Variants in RAPGEF3 observed in about 807,000 individuals in gnomAD.
RAPGEF3 encodes Rap guanine nucleotide exchange factor 3.
Under a neutral mutation model 129.8 loss-of-function variants are expected in RAPGEF3, and 103 were observed. The ratio of observed to expected loss-of-function variants is 0.79; its 90% confidence interval spans 0.68 to 0.93. The LOEUF (loss-of-function observed/expected upper bound fraction) is 0.93, where lower values mean the gene tolerates loss of function less well. Ranked by LOEUF, RAPGEF3 falls within the 40% of genes least tolerant of loss-of-function variation. The pLI, the probability that RAPGEF3 is intolerant of heterozygous loss-of-function variation, is 0.00. For missense variants in RAPGEF3, 1,117 were observed against 1,207.4 expected (o/e 0.93, Z 1.11); for synonymous variants, 436 against 482.6 (o/e 0.90, Z 1.26).
chr12:47,757,936 C>T lies in RAPGEF3; in HGVS notation c.149G>A (p.Arg50Gln), dbSNP rs555142030. Residue 50 changes from arginine to glutamine, a missense_variant, in exon 2 of 28, where the codon CGG (arginine) becomes CAG (glutamine). By Grantham distance (43) the Arg-to-Gln change is conservative. Around this residue, in one of 3 missense-constraint regions of RAPGEF3, gnomAD observed 367 missense variants for 373.4 expected, o/e 0.98. Coordinates refer to ENST00000449771, the MANE Select transcript of RAPGEF3 (RefSeq NM_001098531.4). ...LLNMVLRRMH[R>Q]PRSCSYQLLL... Reference sequence around the variant, plus strand: ...CAGCTGGTAGGAGCAGCTTCGGGGCCGGTGCATCCTTCTCAACACCATGTT... The same window carrying T: ...CAGCTGGTAGGAGCAGCTTCGGGGCTGGTGCATCCTTCTCAACACCATGTT... 6.4e-6 allele frequency: 10 copies of T among 1,557,494 alleles called. No homozygotes were observed. The highest frequency in any genetic ancestry group is 3.9e-5 in the Admixed American group (2 of 51,746).
In RAPGEF3 at chr12:47,736,375, C is replaced by T. The variant is rs1275205357; in HGVS notation, c.*1192G>A. On this transcript the variant is annotated 3_prime_UTR_variant, in exon 28 of 28. Coordinates refer to ENST00000449771, the MANE Select transcript of RAPGEF3 (RefSeq NM_001098531.4). The stretch of plus-strand genomic sequence containing the variant: ...GGAGTCATGCCAGGGGCCATGAGTT[C>T]TCTCTCTGGCCAGACAAGTGCCTCC... 3 of 152,304 alleles carry T rather than the reference C, an allele frequency of 2.0e-5. No individual in the cohort carries two copies. The highest frequency in any genetic ancestry group is 4.8e-5 in the African/African-American group (2 of 41,460). The allele number at this position is 152,304 out of a possible 1,614,324, so 9.4% of individuals were successfully genotyped here.
chr12:47,749,265 G>T lies in RAPGEF3; in HGVS notation c.1041+125C>A. 8.1e-7 allele frequency: 1 copy of T among 1,227,832 alleles called. No individual in the cohort carries two copies. The highest frequency in any genetic ancestry group is 1.2e-6 in the Non-Finnish European group (1 of 853,890). 76.1% of individuals were successfully genotyped at this position (1,227,832 alleles called of 1,614,324 possible). ...CAGGGCTATGGTCCCACTGCCAGCTGTCATAGCCCAGCATCTCTTACCTGC... is the reference window on the plus strand; with the variant it reads ...CAGGGCTATGGTCCCACTGCCAGCTTTCATAGCCCAGCATCTCTTACCTGC... On this transcript the variant is annotated intron_variant, in intron 10 of 27. Transcript: ENST00000449771. This position sits in a 1 kb window ranked among gnomAD's most constrained non-coding sequence, Gnocchi z 4.5.
rs775907527 is a variant in RAPGEF3, at chr12:47,739,156, G to A, written c.2448C>T (p.Pro816=). The change falls in exon 24 of 28, where the codon CCC becomes CCT. Residue 816 remains proline (P), a synonymous_variant. Coordinates refer to ENST00000449771, the MANE Select transcript of RAPGEF3 (RefSeq NM_001098531.4). ...AAGCCCTGTTACCTTTGAGAAGAAG[G>A]GGCATGAAGGGGATGACAGGAGGGG... ...KLSPPVIPFM[P]LLLKDMTFIH... 6.2e-6 allele frequency: 10 copies of A among 1,600,648 alleles called. No homozygotes were observed. In the East Asian group the frequency reaches 1.8e-4, roughly 29 times the overall value.
intron 27 of RAPGEF3, 62 bp downstream of exon 27, chr12:47,737,960 C>T (rs1940882117): frequency 1.9e-6 from 3 of 1,544,230 alleles, no homozygotes; most frequent in Admixed American, 3.4e-5. Context: ...TAGGATGTGC[C>T]AGCCATGGGT....
intron 7 of RAPGEF3, 83 bp from the exon 8 acceptor site, chr12:47,750,073 C>T (rs1375556318): frequency 4.0e-6 from 6 of 1,498,126 alleles, no homozygotes; most frequent in Non-Finnish European, 5.6e-6. Flanking sequence ...TGGTTAGGTC[C>T]AAAGACACAA....
intron 24 of RAPGEF3, 157 bp downstream of exon 24, chr12:47,738,986 C>G: frequency 1.4e-6 from 1 of 721,206 alleles, no homozygotes; most frequent in South Asian, 1.8e-5. Flanking sequence ...TTCATCTCTG[C>G]ACTCCCTGAG....
chr12:47,748,305 C>T, intron 12 of RAPGEF3, 149 bp downstream of exon 12: 1 of 957,852 alleles, frequency 1.0e-6, no homozygotes, highest in Non-Finnish European at 1.6e-6. Flanking sequence ...CCCACTAAGC[C>T]AAGAGCACAG....
rs913674323 is a variant in RAPGEF3, at chr12:47,751,047, C to G, written c.671+1G>C. 4 of 1,597,244 alleles carry G rather than the reference C, an allele frequency of 2.5e-6. No individual in the cohort carries two copies. The highest frequency in any genetic ancestry group is 1.1e-5 in the South Asian group (1 of 87,630). ...CACGGGGTGCAGGGATTCTGACTCA[C>G]GGCTTTCGAAGTGCCACAGTGAGCA... On this transcript the variant is annotated splice_donor_variant, in intron 6 of 27. Transcript: ENST00000449771. LOFTEE classifies it high-confidence loss of function.
chr12:47,758,655 C>A lies in RAPGEF3; in HGVS notation c.-99G>T. Reference sequence around the variant, plus strand: ...TTTGATAAGGGGATCCGGAGGGTGCCAGTGGGTAAGTCCAGGTACAGTGAA... The same window carrying A: ...TTTGATAAGGGGATCCGGAGGGTGCAAGTGGGTAAGTCCAGGTACAGTGAA... On this transcript the variant is annotated 5_prime_UTR_variant, in exon 1 of 28. Coordinates refer to ENST00000449771, the MANE Select transcript of RAPGEF3 (RefSeq NM_001098531.4). The A allele has an allele frequency of 6.3e-7, 1 of 1,583,736 alleles. No individual in the cohort carries two copies. Among genetic ancestry groups the A allele is most frequent in the Non-Finnish European group, 8.6e-7 (1 of 1,164,266 alleles).
chr12:47,750,990 G>A (rs755622387), intron 6 of RAPGEF3, 58 bp downstream of exon 6: 77 of 1,556,658 alleles, frequency 4.9e-5, no homozygotes, highest in East Asian at 1.9e-4. Flanking sequence ...CTGAGAAACC[G>A]TGAAATCTGA....
intron 2 of RAPGEF3, among the ~76,000 whole-genome samples, chr12:47,753,004 T>G (rs530834511): frequency 6.6e-6 from 1 of 152,182 alleles, no homozygotes; most frequent in Non-Finnish European, 1.5e-5. Flanking sequence ...CCTGAGAATC[T>G]GGGGTTTGTG....
At chr12:47,751,238 G>A (rs773166511) in intron 5 of RAPGEF3, 22 bp from the exon 6 acceptor site, 11 of 1,546,782 alleles carry the variant, frequency 7.1e-6, no homozygotes, top group South Asian at 4.8e-5. Flanking sequence ...AGGCCCAGGC[G>A]TGGGGGAGGA....
Position 47,738,722 on chromosome 12 carries a change from G to A in RAPGEF3, c.2494C>T (p.Leu832=). Residue 832 remains leucine, a synonymous_variant, in exon 25 of 28, where the codon CTA becomes TTA. Coordinates refer to ENST00000449771, the MANE Select transcript of RAPGEF3 (RefSeq NM_001098531.4). ...MTFIHEGNHT[L]VENLINFEKM... ...TCAAAGTTGATGAGATTCTCCACTA[G>A]TGTGTGGTTTCCCTCATGAATGAAG... The A allele has an allele frequency of 6.2e-7, 1 of 1,611,166 alleles. No individual in the cohort carries two copies. The highest frequency in any genetic ancestry group is 8.5e-7 in the Non-Finnish European group (1 of 1,177,326).
chr12:47,750,263 C>T, intron 7 of RAPGEF3, 78 bp downstream of exon 7: 1 of 1,435,238 alleles, frequency 7.0e-7, no homozygotes, highest in Admixed American at 1.7e-5. Flanking sequence ...CCCTCTGGCC[C>T]AGCAGTTGGA....
chr12:47,758,875 T>C lies in RAPGEF3; in HGVS notation c.-319A>G. The stretch of plus-strand genomic sequence containing the variant: ...CTGGCACCGGGCGCTGAAGCAAGGC[T>C]GCGCTGGCACCGGTCCGGGCGGGAG... On this transcript the variant is annotated 5_prime_UTR_variant, in exon 1 of 28. Transcript: ENST00000449771. 1 of 1,149,670 alleles carries C rather than the reference T, an allele frequency of 8.7e-7. No individual in the cohort carries two copies. Among genetic ancestry groups the C allele is most frequent in the Non-Finnish European group, 1.1e-6 (1 of 933,914 alleles). 71.2% of individuals were successfully genotyped at this position (1,149,670 alleles called of 1,614,324 possible).
Position 47,749,362 on chromosome 12 carries a change from C to T in RAPGEF3, c.1041+28G>A, listed in dbSNP as rs775227638. 3 of 1,609,408 alleles carry T rather than the reference C, an allele frequency of 1.9e-6. No homozygotes were observed. The highest frequency in any genetic ancestry group is 1.1e-5 in the South Asian group (1 of 91,060). ...CATCACTTCTCTGGACGAATGGCCCCTGCCCTCCCCAACCCCAGCAGCAGC... is the reference window on the plus strand; with the variant it reads ...CATCACTTCTCTGGACGAATGGCCCTTGCCCTCCCCAACCCCAGCAGCAGC... On this transcript the variant is annotated intron_variant, in intron 10 of 27. Coordinates refer to ENST00000449771, the MANE Select transcript of RAPGEF3 (RefSeq NM_001098531.4). This position sits in a 1 kb window ranked among gnomAD's most constrained non-coding sequence, Gnocchi z 4.5.
Position 47,736,373 on chromosome 12 carries a change from T to G in RAPGEF3, c.*1194A>C, listed in dbSNP as rs112999047. 0.03 allele frequency: 4,559 copies of G among 152,216 alleles called. 217 individuals are homozygous for G. Among genetic ancestry groups the G allele is most frequent in the African/African-American group, 0.1 (4,285 of 41,480 alleles). 9.4% of individuals were successfully genotyped at this position (152,216 alleles called of 1,614,324 possible). A position where few individuals can be genotyped will look rare whatever the true frequency, so the allele number is the denominator to read the frequency against. On this transcript the variant is annotated 3_prime_UTR_variant, in exon 28 of 28. Transcript: ENST00000449771. ...CAGGAGTCATGCCAGGGGCCATGAG[T>G]TCTCTCTCTGGCCAGACAAGTGCCT...
In RAPGEF3 at chr12:47,748,655, C is replaced by T. The variant is rs1259400579; in HGVS notation, c.1155-113G>A. The T allele has an allele frequency of 1.8e-5, 20 of 1,096,590 alleles. No homozygotes were observed. The Admixed American group carries it at 3.9e-4, about 21-fold the overall frequency. 67.9% of individuals were successfully genotyped at this position (1,096,590 alleles called of 1,614,324 possible). ...TTCTCCATTAGCCAGCCCTGTCCCA[C>T]CTTAGGGCAGGGAGGAGACTGGCTC... On this transcript the variant is annotated intron_variant, in intron 11 of 27. Transcript: ENST00000449771.
intron 21 of RAPGEF3, 83 bp downstream of exon 21, chr12:47,740,559 A>G: frequency 1.9e-6 from 3 of 1,548,876 alleles, no homozygotes; most frequent in Non-Finnish European, 2.6e-6. Flanking sequence ...CAGATTTGGC[A>G]ACATACTAAG....
Sources: gnomAD v4.1 joint callset for allele counts (sites outside exome capture counted in the v4.1 genomes callset) on GRCh38, gnomAD v4.1.1 for gene constraint, gnomAD v4.1.1 regional missense constraint, Gnocchi (gnomAD v3.1) non-coding constraint, MANE v1.5 for transcripts, NCBI Gene and HGNC (gene_info 2026-07-23, HGNC 2026-07-21) for gene names.